Variants in MYO5C observed in about 807,000 individuals in gnomAD.
The protein encoded by MYO5C is myosin VC.
MYO5C carries 194 observed loss-of-function variants against 235.7 expected under a neutral mutation model. That is an observed-to-expected ratio of 0.82 (90% CI 0.73 to 0.93). The LOEUF (loss-of-function observed/expected upper bound fraction) is 0.93, where lower values mean the gene tolerates loss of function less well. Ranked by LOEUF, MYO5C falls within the 40% of genes least tolerant of loss-of-function variation. The pLI is 0.00. For missense variants in MYO5C, 2,038 were observed against 2,127.2 expected (o/e 0.96, Z 0.82); for synonymous variants, 707 against 754.8 (o/e 0.94, Z 1.04).
At chr15:52,211,313 T>C (rs536431766) in intron 35 of MYO5C, among the ~76,000 whole-genome samples, 6 of 152,372 alleles carry the variant, frequency 3.9e-5, no homozygotes, top group African/African-American at 1.4e-4. Context: ...CAGTTCATCT[T>C]CATTTGTGGA....
intron 4 of MYO5C, 89 bp downstream of exon 4, chr15:52,278,784 A>G (rs2037102516): frequency 1.3e-6 from 2 of 1,514,078 alleles, no homozygotes; most frequent in East Asian, 4.5e-5. Context: ...AATGAGCCCA[A>G]CCTAGATATC....
chr15:52,291,729 A>ATGTTTTTTT (rs2037391283), intron 1 of MYO5C, among the ~76,000 whole-genome samples: 7 of 46,718 alleles, frequency 1.5e-4, no homozygotes, highest in Non-Finnish European at 2.3e-4. Flanking sequence ...TGCATATTTT[A>ATGTTTTTTT]TGTTTTTTTT....
intron 14 of MYO5C, 97 bp downstream of exon 14, chr15:52,248,603 C>CAA: frequency 1.1e-6 from 1 of 872,970 alleles, no homozygotes; most frequent in Non-Finnish European, 1.9e-6. Flanking sequence ...CACACACACA[C>CAA]ACACTCTCTC....
At position 52,193,825 on chromosome 15, in the gene MYO5C, C is replaced by A; in HGVS notation, c.*77G>T. ...TTAAATCACATTCCAATTTCCACTG[C>A]CAATTAATAAAACACATCCCTCATA... On this transcript the variant is annotated 3_prime_UTR_variant, in exon 41 of 41. Coordinates refer to ENST00000261839, the MANE Select transcript of MYO5C (RefSeq NM_018728.4). 6.8e-7 allele frequency: 1 copy of A among 1,475,430 alleles called. No individual in the cohort carries two copies. 91.4% of individuals were successfully genotyped at this position (1,475,430 alleles called of 1,614,324 possible).
At chr15:52,230,055 G>A (rs1178380659) in intron 24 of MYO5C, among the ~76,000 whole-genome samples, 4 of 152,216 alleles carry the variant, frequency 2.6e-5, no homozygotes, top group Non-Finnish European at 5.9e-5. Context: ...CTAAACAATA[G>A]AGCTATCTGC....
rs747952760 is a variant in MYO5C at position 52,205,155 on chromosome 15, G to T, written c.4538-8C>A. The T allele has an allele frequency of 3.1e-6, 5 of 1,612,322 alleles. No individual in the cohort carries two copies. The Admixed American group carries it at 5.0e-5, about 16-fold the overall frequency. On this transcript the variant is annotated splice_region_variant and splice_polypyrimidine_tract_variant and intron_variant, in intron 37 of 40. Transcript: ENST00000261839. Reference sequence around the variant, plus strand: ...ACTCCAGCATTCCCGGAACTGCGGAGAGACAGGGAGGCTGTGCTGACACGC... The same window carrying T: ...ACTCCAGCATTCCCGGAACTGCGGATAGACAGGGAGGCTGTGCTGACACGC...
chr15:52,282,979 G>A, intron 1 of MYO5C, 87 bp from the exon 2 acceptor site: 2 of 825,966 alleles, frequency 2.4e-6, no homozygotes, highest in Non-Finnish European at 2.1e-6. Context: ...GTTTCTTTCT[G>A]TGCACTAGGT....
At chr15:52,273,164 A>T (rs909739596) in intron 5 of MYO5C, among the ~76,000 whole-genome samples, 3 of 149,600 alleles carry the variant, frequency 2.0e-5, no homozygotes, top group African/African-American at 7.3e-5. Context: ...TACAAAACAT[A>T]AAAAAAAAAT....
At chr15:52,194,156 C>T (rs371141560) in intron 40 of MYO5C, 102 bp from the exon 41 acceptor site, 20 of 1,058,454 alleles carry the variant, frequency 1.9e-5, no homozygotes, top group East Asian at 1.8e-4. Context: ...TAGTGGAGAG[C>T]TCCTTGCACC....
chr15:52,249,970 T>C (rs58175480), intron 13 of MYO5C, among the ~76,000 whole-genome samples: 1 of 152,184 alleles, frequency 6.6e-6, no homozygotes, highest in Non-Finnish European at 1.5e-5. Context: ...CCTAGTTCTT[T>C]TAAGGGAGAC....
chr15:52,205,246 A>G lies in MYO5C; in HGVS notation c.4538-99T>C, dbSNP rs572803018. 5.7e-5 allele frequency: 77 copies of G among 1,340,402 alleles called. No individual in the cohort carries two copies. In the African/African-American group the frequency reaches 9.3e-4, roughly 16 times the overall value. 83.0% of individuals were successfully genotyped at this position (1,340,402 alleles called of 1,614,324 possible). ...GTTTCAGGAGATGGGACATTTTTCT[A>G]CAAGAGTCAGTGGATGTACTTATGA... On this transcript the variant is annotated intron_variant, in intron 37 of 40. Transcript: ENST00000261839.
intron 38 of MYO5C, among the ~76,000 whole-genome samples, chr15:52,198,675 G>T (rs1240288094): frequency 6.6e-6 from 1 of 151,258 alleles, no homozygotes; most frequent in South Asian, 2.1e-4. Context: ...TCCATGTCCT[G>T]GGTTCAAGAG....
chr15:52,244,285 G>A (rs1349778418), intron 19 of MYO5C, 71 bp downstream of exon 19: 30 of 1,483,776 alleles, frequency 2.0e-5, no homozygotes, highest in Non-Finnish European at 2.8e-5. Flanking sequence ...TCCTTGATGA[G>A]TCCTCCCCGC....
Position 52,253,333 on chromosome 15 carries a change from AG to A in MYO5C, c.1519del (p.Leu507TrpfsTer49), listed in dbSNP as rs780397523. On this transcript the variant is annotated frameshift_variant, in exon 12 of 41. Coordinates refer to ENST00000261839, the MANE Select transcript of MYO5C (RefSeq NM_018728.4). LOFTEE classifies it high-confidence loss of function. ...IEAKMGILEL[L>X]DEECLLPHGT... ...AAAAGTTACCAAACATTCTTCATCC[AG>A]TAACTCCAGAATTCCCATTTTTGCT... 18 of 1,608,076 alleles carry A rather than the reference AG, an allele frequency of 1.1e-5. No individual in the cohort carries two copies. The highest frequency in any genetic ancestry group is 1.4e-5 in the Non-Finnish European group (17 of 1,178,156).
chr15:52,288,903 C>A (rs985002269), intron 1 of MYO5C, among the ~76,000 whole-genome samples: 1 of 152,200 alleles, frequency 6.6e-6, no homozygotes, highest in Non-Finnish European at 1.5e-5. Flanking sequence ...CAAGACCATG[C>A]CAGCCACCCC....
chr15:52,225,049 A>G (rs935895038), intron 27 of MYO5C, 26 bp downstream of exon 27: 1 of 1,613,890 alleles, frequency 6.2e-7, no homozygotes, highest in Non-Finnish European at 8.5e-7. Flanking sequence ...ATGTCTTAAA[A>G]TGTTTGATAA....
chr15:52,252,497 C>A (rs990831489), intron 12 of MYO5C, among the ~76,000 whole-genome samples: 1 of 151,682 alleles, frequency 6.6e-6, no homozygotes, highest in Non-Finnish European at 1.5e-5. Flanking sequence ...AAAAATTGGC[C>A]GGGCGCAGTG....
At chr15:52,235,922 T>G (rs950549910) in intron 22 of MYO5C, among the ~76,000 whole-genome samples, 159 bp from the exon 23 acceptor site, 3 of 152,240 alleles carry the variant, frequency 2.0e-5, no homozygotes, top group African/African-American at 7.2e-5. Flanking sequence ...TGTAAGACGC[T>G]GCCATTTGTT....
chr15:52,246,311 C>T (rs1478520136), intron 16 of MYO5C, among the ~76,000 whole-genome samples: 2 of 152,164 alleles, frequency 1.3e-5, no homozygotes, highest in African/African-American at 2.4e-5. Context: ...GAGCTTCAAA[C>T]GACAACCAGG....
Sources: gnomAD v4.1 joint callset for allele counts (sites outside exome capture counted in the v4.1 genomes callset) on GRCh38, gnomAD v4.1.1 for gene constraint, MANE v1.5 for transcripts, NCBI Gene and HGNC (gene_info 2026-07-23, HGNC 2026-07-21) for gene names.